Variants in MTSS1 observed in about 807,000 individuals in gnomAD.
The protein encoded by MTSS1 is MTSS I-BAR domain containing 1.
MTSS1 carries 18 observed loss-of-function variants against 79.0 expected under a neutral mutation model. The ratio of observed to expected loss-of-function variants is 0.23; its 90% CI spans 0.16 to 0.34. The LOEUF is 0.34. MTSS1 is among the 10% of genes least tolerant of loss of function. MTSS1 has a pLI of 1.00. For missense variants in MTSS1, 815 were observed against 986.2 expected (o/e 0.83, Z 2.33); for synonymous variants, 341 against 368.6 (o/e 0.93, Z 0.86).
rs903714248 is a variant in MTSS1 at position 124,636,624 on chromosome 8, T to C, written c.209-45389A>G. On this transcript the variant is annotated intron_variant, in intron 3 of 13. Coordinates refer to ENST00000518547, the MANE Select transcript of MTSS1 (RefSeq NM_014751.6). ...CTGACTGCCTCTGTGTCCATTTATC[T>C]ATGATCACTGAGGCCTCATACTCCT... 1.2e-4 allele frequency among the ~76,000 whole-genome samples: 18 copies of C among 151,230 alleles called. No individual in the cohort carries two copies. In the South Asian group the frequency reaches 2.1e-3, roughly 18 times the overall value.
intron 3 of MTSS1, among the ~76,000 whole-genome samples, chr8:124,649,737 C>G (rs552276958): frequency 6.6e-6 from 1 of 152,046 alleles, no homozygotes; most frequent in Non-Finnish European, 1.5e-5. Flanking sequence ...AGACTCAGCA[C>G]GACAACCAAA....
Position 124,555,969 on chromosome 8 carries a change from C to T in MTSS1, c.1405-65G>A, listed in dbSNP as rs765570508. 22 of 1,581,820 alleles carry T rather than the reference C, an allele frequency of 1.4e-5. 1 individual carries two copies. The South Asian group carries it at 2.4e-4, about 17-fold the overall frequency. ...GGGGGGGCTCAACAGCACTCCTGTT[C>T]TGCCCCCGTGAGCACTACATGTCTG... On this transcript the variant is annotated intron_variant, in intron 12 of 13. Coordinates refer to ENST00000518547, the MANE Select transcript of MTSS1 (RefSeq NM_014751.6).
At chr8:124,577,176 T>A (rs982460502) in intron 6 of MTSS1, among the ~76,000 whole-genome samples, 1 of 152,222 alleles carries the variant, frequency 6.6e-6, no homozygotes, top group African/African-American at 2.4e-5. Flanking sequence ...TCCTCAGTTA[T>A]AAAATACATC....
intron 3 of MTSS1, among the ~76,000 whole-genome samples, chr8:124,693,507 A>G (rs1828289865): frequency 6.6e-6 from 1 of 152,188 alleles, no homozygotes; most frequent in Non-Finnish European, 1.5e-5. Flanking sequence ...CTGTACTGCA[A>G]ATGTGTAACA....
At chr8:124,555,946 G>C (rs575760802) in intron 12 of MTSS1, 42 bp from the exon 13 acceptor site, 133 of 1,595,696 alleles carry the variant, frequency 8.3e-5, no homozygotes, top group South Asian at 8.3e-4. Flanking sequence ...GCTTTAGGGG[G>C]GGGGCTCAAC....
chr8:124,677,037 G>C (rs977498489), intron 3 of MTSS1, among the ~76,000 whole-genome samples: 1 of 152,124 alleles, frequency 6.6e-6, no homozygotes, highest in African/African-American at 2.4e-5. Flanking sequence ...AGAAAAAAAA[G>C]GGAGTGCTAA....
At chr8:124,560,918 A>C (rs758988807) in intron 10 of MTSS1, among the ~76,000 whole-genome samples, 6 of 152,258 alleles carry the variant, frequency 3.9e-5, no homozygotes, top group South Asian at 2.1e-4. Flanking sequence ...TGTGTTACTC[A>C]GTAGAGAAAT....
At chr8:124,693,909 A>AG (rs897701428) in intron 3 of MTSS1, among the ~76,000 whole-genome samples, 10 of 152,220 alleles carry the variant, frequency 6.6e-5, no homozygotes, top group Non-Finnish European at 1.5e-4. Flanking sequence ...CCAAAAAAAA[A>AG]TTACTTGTGA....
chr8:124,695,667 T>C (rs1828687105), intron 3 of MTSS1, among the ~76,000 whole-genome samples: 1 of 152,208 alleles, frequency 6.6e-6, no homozygotes, highest in Non-Finnish European at 1.5e-5. Context: ...TTGTGCTATA[T>C]TCAGACAGTG....
chr8:124,713,365 C>G (rs1326160920), intron 1 of MTSS1, among the ~76,000 whole-genome samples: 1 of 152,184 alleles, frequency 6.6e-6, no homozygotes, highest in African/African-American at 2.4e-5. Flanking sequence ...TTCCATGCTC[C>G]ACATTTCTTG....
At position 124,683,637 on chromosome 8, in the gene MTSS1, A is replaced by G. The variant is rs1222658851; in HGVS notation, c.208+15889T>C. The stretch of plus-strand genomic sequence containing the variant: ...TTCCAACACGAAGGAGCCCACTGCC[A>G]TATCTGAATCTGGCTGCAAATCTGT... On this transcript the variant is annotated intron_variant, in intron 3 of 13. Transcript: ENST00000518547. This position sits in a 1 kb window ranked among gnomAD's most constrained non-coding sequence, Gnocchi z 4.5. 6.6e-6 allele frequency among the ~76,000 whole-genome samples: 1 copy of G among 152,234 alleles called. No homozygotes were observed. Among genetic ancestry groups the G allele is most frequent in the East Asian group, 1.9e-4 (1 of 5,202 alleles).
At position 124,577,068 on chromosome 8, in the gene MTSS1, T is replaced by A. The variant is rs574992475; in HGVS notation, c.460+8019A>T. On this transcript the variant is annotated intron_variant, in intron 6 of 13. Transcript: ENST00000518547. ...GTAGTGGGCAAGGCACTCAAGGAGT[T>A]GTGTCTACGTGAGGTTTTACTGGAG... 2.0e-5 allele frequency among the ~76,000 whole-genome samples: 3 copies of A among 152,298 alleles called. No homozygotes were observed. In the East Asian group the frequency reaches 5.8e-4, roughly 29 times the overall value.
chr8:124,556,236 G>A lies in MTSS1; in HGVS notation c.1400C>T (p.Thr467Ile). 6.2e-7 allele frequency: 1 copy of A among 1,614,188 alleles called. No individual in the cohort carries two copies. Among genetic ancestry groups the A allele is most frequent in the South Asian group, 1.1e-5 (1 of 91,080 alleles). Residue 467 changes from threonine (T) to isoleucine (I), a missense_variant, in exon 12 of 14, where the codon ACC (threonine) becomes ATC (isoleucine). Coordinates refer to ENST00000518547, the MANE Select transcript of MTSS1 (RefSeq NM_014751.6). Reference protein sequence around the residue: ...RPRSMTVSAATRPGEEMEACE... With the variant: ...RPRSMTVSAAIRPGEEMEACE... ...TACTGAGAACAAGAGCATCACCCTGGTGGCAGCCGATACAGTCATGCTCCG... is the reference window on the plus strand; with the variant it reads ...TACTGAGAACAAGAGCATCACCCTGATGGCAGCCGATACAGTCATGCTCCG...
intron 5 of MTSS1, among the ~76,000 whole-genome samples, chr8:124,586,786 A>G (rs1273658601): frequency 6.6e-6 from 1 of 152,184 alleles, no homozygotes; most frequent in Non-Finnish European, 1.5e-5. Flanking sequence ...ATTCACATTC[A>G]GGCCTAGGCT....
chr8:124,679,181 C>G (rs1396579989), intron 3 of MTSS1, among the ~76,000 whole-genome samples: 5 of 152,238 alleles, frequency 3.3e-5, no homozygotes, highest in African/African-American at 1.2e-4. Context: ...AAGCCTAGTG[C>G]TGGCATCTCA....
chr8:124,700,304 T>C (rs1402119243), intron 2 of MTSS1, among the ~76,000 whole-genome samples: 1 of 151,976 alleles, frequency 6.6e-6, no homozygotes, highest in Non-Finnish European at 1.5e-5. Flanking sequence ...TGCACATCAG[T>C]TGGGGGAAGG....
At chr8:124,579,712 T>G (rs1829673260) in intron 6 of MTSS1, 1 of 152,154 alleles carries the variant, frequency 6.6e-6, no homozygotes, top group South Asian at 2.1e-4. Flanking sequence ...GCCCCAACCA[T>G]CAAAGGAGAC....
chr8:124,724,359 A>C (rs2135863738), intron 1 of MTSS1, among the ~76,000 whole-genome samples: 1 of 152,314 alleles, frequency 6.6e-6, no homozygotes, highest in South Asian at 2.1e-4. Context: ...GGAGGAACTG[A>C]ACAAGGCCTC....
chr8:124,654,408 G>C (rs1190227223), intron 3 of MTSS1, among the ~76,000 whole-genome samples: 1 of 152,142 alleles, frequency 6.6e-6, no homozygotes, highest in Non-Finnish European at 1.5e-5. Flanking sequence ...ACTTTCCACG[G>C]TGAGAGGACT....
Sources: gnomAD v4.1 joint callset for allele counts (sites outside exome capture counted in the v4.1 genomes callset) on GRCh38, gnomAD v4.1.1 for gene constraint, Gnocchi (gnomAD v3.1) non-coding constraint, MANE v1.5 for transcripts, NCBI Gene and HGNC (gene_info 2026-07-23, HGNC 2026-07-21) for gene names.